Variants in NTM observed in about 807,000 individuals in gnomAD.
NTM encodes IgLON family member 2.
A neutral mutation model predicts 42.1 loss-of-function variants in NTM; 13 were observed. That is an observed-to-expected ratio of 0.31 (90% CI 0.20 to 0.49). NTM has a LOEUF of 0.49. Among genes scored for constraint, NTM ranks in the 20% least tolerant of loss-of-function variants. The pLI is 0.99. For missense variants in NTM, 373 were observed against 452.8 expected, an observed-to-expected ratio of 0.82 and a Z score of 1.60; for synonymous variants, 187 against 179.2, an observed-to-expected ratio of 1.04 and a Z score of -0.35.
intron 2 of NTM, among the ~76,000 whole-genome samples, chr11:132,034,258 A>C (rs1027194794): frequency 2.6e-5 from 4 of 152,122 alleles, no homozygotes; most frequent in Non-Finnish European, 5.9e-5. Context: ...CCTTCTGTGG[A>C]TAAATGTAGA....
At chr11:131,609,876 T>G (rs555010842) in intron 1 of NTM, among the ~76,000 whole-genome samples, 1 of 152,200 alleles carries the variant, frequency 6.6e-6, no homozygotes, top group South Asian at 2.1e-4. Flanking sequence ...AGGCTTTCCA[T>G]CTGCAGAGGT....
intron 1 of NTM, among the ~76,000 whole-genome samples, chr11:131,801,299 T>A (rs1048157343): frequency 1.3e-5 from 2 of 152,160 alleles, no homozygotes; most frequent in Non-Finnish European, 2.9e-5. Flanking sequence ...TTGAATCAAT[T>A]GTGTGTTGGG....
At chr11:131,853,978 A>G (rs577782224) in intron 1 of NTM, among the ~76,000 whole-genome samples, 16 of 152,320 alleles carry the variant, frequency 1.1e-4, no homozygotes, top group Non-Finnish European at 2.1e-4. Flanking sequence ...AATTTTCTAG[A>G]AAGCTAGTAA....
intron 4 of NTM, among the ~76,000 whole-genome samples, chr11:132,257,088 C>T (rs189749987): frequency 5.1e-4 from 77 of 152,318 alleles, no homozygotes; most frequent in Non-Finnish European, 9.8e-4. Context: ...TAAATCAAAG[C>T]GCGCTCTGGC....
At chr11:131,544,468 C>T (rs1272901222) in intron 1 of NTM, among the ~76,000 whole-genome samples, 1 of 152,070 alleles carries the variant, frequency 6.6e-6, no homozygotes, top group Non-Finnish European at 1.5e-5. Flanking sequence ...GTTGTGAATC[C>T]TTTATTCCCC....
chr11:131,730,944 T>C (rs1565477846), intron 1 of NTM, among the ~76,000 whole-genome samples: 2 of 152,164 alleles, frequency 1.3e-5, no homozygotes, highest in Non-Finnish European at 1.5e-5. Flanking sequence ...AGTTTCACTA[T>C]AAAAAAAGAA....
At chr11:131,522,354 A>AG (rs1491017330) in intron 1 of NTM, among the ~76,000 whole-genome samples, 48 of 1,230 alleles carry the variant, frequency 0.039, 2 homozygotes, top group African/African-American at 0.061. Context: ...GCAGAACAAC[A>AG]AGAAAAAAAA....
At chr11:131,695,329 A>T (rs1225802971) in intron 1 of NTM, among the ~76,000 whole-genome samples, 1 of 152,126 alleles carries the variant, frequency 6.6e-6, no homozygotes, top group Admixed American at 6.5e-5. Context: ...TCCCCCTGAG[A>T]TGATGTCAAA....
At chr11:131,564,124 G>C (rs996269692) in intron 1 of NTM, among the ~76,000 whole-genome samples, 3 of 152,162 alleles carry the variant, frequency 2.0e-5, no homozygotes, top group Admixed American at 1.3e-4. Context: ...TATGCCCCTT[G>C]ATTCCTGCAG....
At chr11:131,745,398 G>T (rs945351558) in intron 1 of NTM, among the ~76,000 whole-genome samples, 1 of 152,186 alleles carries the variant, frequency 6.6e-6, no homozygotes, top group Non-Finnish European at 1.5e-5. Flanking sequence ...CAAAGTGATG[G>T]AATAACTTGG....
rs149744154 is a variant in NTM at position 131,954,545 on chromosome 11, G to A, written c.167+42897G>A. Among the ~76,000 whole-genome samples the A allele has an allele frequency of 6.5e-3, 984 of 152,292 alleles. 7 individuals are homozygous for A. The highest frequency in any genetic ancestry group is 8.7e-3 in the Non-Finnish European group (593 of 68,022). ...TGTACATTCATCCCTGTCCATCAGCGCCTCCCAGGGAACCTGCGTGTCTGA... is the reference window on the plus strand; with the variant it reads ...TGTACATTCATCCCTGTCCATCAGCACCTCCCAGGGAACCTGCGTGTCTGA... On this transcript the variant is annotated intron_variant, in intron 2 of 8. Coordinates refer to ENST00000683400, the MANE Select transcript of NTM (RefSeq NM_001352005.2).
At chr11:131,422,001 G>A (rs1306124411) in intron 1 of NTM, among the ~76,000 whole-genome samples, 5 of 152,146 alleles carry the variant, frequency 3.3e-5, no homozygotes, top group South Asian at 4.1e-4. Context: ...GCACAAGCCC[G>A]TGAAGAATCC....
intron 2 of NTM, among the ~76,000 whole-genome samples, chr11:132,077,546 TA>T (rs1366937070): frequency 1.3e-5 from 2 of 151,934 alleles, no homozygotes; most frequent in East Asian, 1.9e-4. Flanking sequence ...TTCAAAGGAG[TA>T]AAATTCTCCT....
intron 1 of NTM, among the ~76,000 whole-genome samples, chr11:131,761,686 G>C (rs978708423): frequency 2.0e-5 from 3 of 152,018 alleles, no homozygotes; most frequent in African/African-American, 7.2e-5. Context: ...GCGCATCCCT[G>C]TAATCCCAGC....
intron 1 of NTM, among the ~76,000 whole-genome samples, chr11:131,580,462 C>G (rs1324979364): frequency 2.0e-5 from 3 of 152,108 alleles, no homozygotes; most frequent in East Asian, 3.9e-4. Context: ...GCTAGAGACA[C>G]AGGAAAATGG....
rs73586632 is a variant in NTM at position 131,969,271 on chromosome 11, C to G, written c.167+57623C>G. The stretch of plus-strand genomic sequence containing the variant: ...TTGAGTGAGCACCAAGAAATACTAG[C>G]CTCTGTGAATGACAGGTGGGGGCTT... On this transcript the variant is annotated intron_variant, in intron 2 of 8. Transcript: ENST00000683400. Among the ~76,000 whole-genome samples the G allele has an allele frequency of 5.4e-3, 820 of 152,248 alleles. 5 individuals carry two copies. The highest frequency in any genetic ancestry group is 0.019 in the African/African-American group (786 of 41,534).
intron 2 of NTM, among the ~76,000 whole-genome samples, chr11:132,119,790 A>G (rs2064472611): frequency 6.6e-6 from 1 of 152,194 alleles, no homozygotes; most frequent in Non-Finnish European, 1.5e-5. Flanking sequence ...ATGAAATGCA[A>G]TCACCTGGCA....
chr11:131,897,030 T>C (rs2052398812), intron 1 of NTM: 1 of 152,238 alleles, frequency 6.6e-6, no homozygotes, highest in African/African-American at 2.4e-5. Flanking sequence ...CTCACCTAAA[T>C]GTCTGGCAGG....
chr11:131,664,822 T>A (rs921082883), intron 1 of NTM, among the ~76,000 whole-genome samples: 5 of 147,240 alleles, frequency 3.4e-5, no homozygotes, highest in Non-Finnish European at 7.4e-5. Context: ...TAAAAGCCAC[T>A]CTTTTACATC....
Sources: allele counts gnomAD v4.1 joint callset (sites outside exome capture counted in the v4.1 genomes callset), GRCh38; gene constraint gnomAD v4.1.1; transcripts MANE v1.5; gene names NCBI Gene and HGNC (gene_info 2026-07-23, HGNC 2026-07-21).